ADGRL3: variants seen among roughly 807,000 people sequenced by gnomAD.
ADGRL3 encodes the protein adhesion G protein-coupled receptor L3, also known as calcium-independent alpha-latrotoxin receptor 3.
ADGRL3 carries 62 observed loss-of-function variants against 153.5 expected under a neutral mutation model. That is an observed-to-expected ratio of 0.40 (90% CI 0.33 to 0.50). The LOEUF (loss-of-function observed/expected upper bound fraction) is 0.50. Ranked by LOEUF, ADGRL3 falls within the 20% of genes least tolerant of loss-of-function variation. ADGRL3 has a pLI of 0.47. For synonymous variants in ADGRL3, 710 were observed against 672.5 expected, an observed-to-expected ratio of 1.06 and a Z score of -0.86; for missense variants, 1,641 against 1,859.4, an observed-to-expected ratio of 0.88 and a Z score of 2.16.
chr4:61,337,459 A>G (rs2095703457), intron 1 of ADGRL3, among the ~76,000 whole-genome samples: 1 of 152,160 alleles, frequency 6.6e-6, no homozygotes, highest in Admixed American at 6.5e-5. Context: ...GCTACAGCAG[A>G]CTGGAGAAAT....
intron 17 of ADGRL3, among the ~76,000 whole-genome samples, chr4:61,975,183 G>GA (rs1220040226): frequency 6.6e-6 from 1 of 152,062 alleles, no homozygotes; most frequent in Non-Finnish European, 1.5e-5. Flanking sequence ...GGAGTAAGGG[G>GA]AAAATAATGC....
intron 9 of ADGRL3, among the ~76,000 whole-genome samples, chr4:61,876,310 CACTT>C (rs2098474885): frequency 6.7e-6 from 1 of 149,440 alleles, no homozygotes; most frequent in Non-Finnish European, 1.5e-5. Flanking sequence ...AAGGGAACAA[CACTT>C]AGTCCAGTTT....
chr4:61,726,781 T>A (rs2151738766), intron 6 of ADGRL3, among the ~76,000 whole-genome samples: 1 of 152,274 alleles, frequency 6.6e-6, no homozygotes, highest in Admixed American at 6.5e-5. Context: ...TAATATTTTA[T>A]TACCATGTTA....
At chr4:61,808,687 C>CCAATTTTCCA (rs1419802751) in intron 8 of ADGRL3, among the ~76,000 whole-genome samples, 1 of 151,852 alleles carries the variant, frequency 6.6e-6, no homozygotes, top group African/African-American at 2.4e-5. Context: ...CTAGGCATGT[C>CCAATTTTCCA]CAATTTTCCA....
rs1029256385 is a variant in ADGRL3 at position 61,946,836 on chromosome 4, G to A, written c.2420-78G>A. 7 of 1,095,542 alleles carry A rather than the reference G, an allele frequency of 6.4e-6. No individual in the cohort carries two copies. The East Asian group carries it at 1.2e-4, about 19-fold the overall frequency. 67.9% of individuals were successfully genotyped at this position (1,095,542 alleles called of 1,614,324 possible). A position where few individuals can be genotyped will look rare whatever the true frequency, so the allele number is the denominator to read the frequency against. On this transcript the variant is annotated intron_variant, in intron 15 of 26. Coordinates refer to ENST00000683033, the MANE Select transcript of ADGRL3 (RefSeq NM_001387552.1). ...TTTTTGTGTGAATACATACTACATG[G>A]ATTTAATTTTCTATCTCATTAGTAC... is the stretch of plus-strand genomic sequence containing the variant.
At chr4:61,757,045 C>T (rs888754077) in intron 8 of ADGRL3, among the ~76,000 whole-genome samples, 9 of 152,210 alleles carry the variant, frequency 5.9e-5, no homozygotes, top group East Asian at 3.9e-4. Context: ...AGGATTTTTG[C>T]GTCGATGTTC....
chr4:61,358,385 C>T (rs1244074112), intron 1 of ADGRL3, among the ~76,000 whole-genome samples: 3 of 151,994 alleles, frequency 2.0e-5, no homozygotes, highest in Non-Finnish European at 4.4e-5. Flanking sequence ...ATCACGAGGT[C>T]AGGAGATCGA....
intron 8 of ADGRL3, chr4:61,775,812 G>C: frequency 1.5e-6 from 1 of 677,350 alleles, no homozygotes; most frequent in East Asian, 2.6e-5. Flanking sequence ...CAGTATTAAC[G>C]TCCATTACGC....
At chr4:61,923,726 C>G (rs1458743134) in intron 13 of ADGRL3, among the ~76,000 whole-genome samples, 1 of 152,160 alleles carries the variant, frequency 6.6e-6, no homozygotes, top group Non-Finnish European at 1.5e-5. Context: ...CCCACTTAGT[C>G]TGAATAAATG....
At chr4:61,237,419 T>A (rs1753258196) in intron 1 of ADGRL3, among the ~76,000 whole-genome samples, 1 of 152,168 alleles carries the variant, frequency 6.6e-6, no homozygotes, top group African/African-American at 2.4e-5. Flanking sequence ...TTTCTGTTAG[T>A]CCTTATTCTT....
intron 1 of ADGRL3, among the ~76,000 whole-genome samples, chr4:61,330,717 C>A (rs983026352): frequency 3.3e-5 from 5 of 152,036 alleles, no homozygotes; most frequent in Admixed American, 6.6e-5. Flanking sequence ...ACAAAGCTTC[C>A]ACTGCGTGGA....
chr4:61,626,149 T>A (rs2092817021), intron 5 of ADGRL3, among the ~76,000 whole-genome samples: 1 of 152,052 alleles, frequency 6.6e-6, no homozygotes, highest in Non-Finnish European at 1.5e-5. Flanking sequence ...AAAAATTTAC[T>A]TTTTCATGTG....
chr4:62,006,032 A>ATAT (rs1203029363), intron 21 of ADGRL3, among the ~76,000 whole-genome samples: 1,777 of 72,948 alleles, frequency 0.024, 91 homozygotes, highest in East Asian at 0.11. Context: ...ATATATATAT[A>ATAT]TTTTTTTTTT....
chr4:61,465,749 T>TTATATATAAA (rs2152639716), intron 2 of ADGRL3, among the ~76,000 whole-genome samples: 1 of 27,810 alleles, frequency 3.6e-5, no homozygotes, highest in South Asian at 3.0e-3. Flanking sequence ...GATTTTAAAA[T>TTATATATAAA]TATATATAAA....
At chr4:61,456,368 GATATATCTATATATATATAT>G (rs2097737714) in intron 2 of ADGRL3, among the ~76,000 whole-genome samples, 2 of 113,160 alleles carry the variant, frequency 1.8e-5, no homozygotes, top group African/African-American at 3.3e-5. Context: ...TAGAGATATA[GATATATCTATATATATATAT>G]AGATATATCT....
intron 9 of ADGRL3, among the ~76,000 whole-genome samples, chr4:61,839,313 C>A (rs2097988419): frequency 6.6e-6 from 1 of 152,076 alleles, no homozygotes; most frequent in Non-Finnish European, 1.5e-5. Flanking sequence ...ACCTCAGCCT[C>A]CTGAGTAGCT....
chr4:61,575,632 C>T (rs768585468), intron 4 of ADGRL3, among the ~76,000 whole-genome samples: 2 of 151,990 alleles, frequency 1.3e-5, no homozygotes, highest in African/African-American at 2.4e-5. Context: ...CCATCTCAAA[C>T]GGTGCTCAAT....
At chr4:61,543,254 T>C (rs1260094614) in intron 4 of ADGRL3, among the ~76,000 whole-genome samples, 3 of 150,046 alleles carry the variant, frequency 2.0e-5, no homozygotes, top group African/African-American at 7.3e-5. Context: ...ATTAAGGACA[T>C]TGAGGTAGGG....
At chr4:61,327,278 G>GTA (rs1216567552) in intron 1 of ADGRL3, among the ~76,000 whole-genome samples, 2 of 149,412 alleles carry the variant, frequency 1.3e-5, no homozygotes, top group African/African-American at 2.5e-5. Flanking sequence ...TACATCCAGA[G>GTA]CTTCAAAAGT....
Sources: allele counts gnomAD v4.1 joint callset (sites outside exome capture counted in the v4.1 genomes callset), GRCh38; gene constraint gnomAD v4.1.1; transcripts MANE v1.5; gene names NCBI Gene and HGNC (gene_info 2026-07-23, HGNC 2026-07-21).